Variants in SEMA3D observed in about 807,000 individuals in gnomAD.
SEMA3D encodes semaphorin 3D.
A neutral mutation model predicts 100.1 loss-of-function variants in SEMA3D; 84 were observed. The ratio of observed to expected loss-of-function variants is 0.84; its 90% CI spans 0.70 to 1.01. The LOEUF (loss-of-function observed/expected upper bound fraction) is 1.01, where lower values mean the gene tolerates loss of function less well. Among genes scored for constraint, SEMA3D ranks in the 50% least tolerant of loss-of-function variants. The pLI is 0.00. For synonymous variants in SEMA3D, 312 were observed against 320.7 expected (o/e 0.97, Z 0.29); for missense variants, 875 against 934.1 (o/e 0.94, Z 0.82).
intron 15 of SEMA3D, 107 bp downstream of exon 15, chr7:85,018,145 T>A: frequency 1.4e-6 from 1 of 739,202 alleles, no homozygotes; most frequent in Non-Finnish European, 2.4e-6. Context: ...TGTTTTAAAT[T>A]TCTTAAAATT....
intron 1 of SEMA3D, chr7:85,160,165 A>G: frequency 2.5e-6 from 1 of 402,796 alleles, no homozygotes. Context: ...ATAGAAAACA[A>G]AAAGGTAAGG....
intron 17 of SEMA3D, among the ~76,000 whole-genome samples, chr7:85,008,852 G>A (rs1789873279): frequency 6.6e-6 from 1 of 151,700 alleles, no homozygotes; most frequent in African/African-American, 2.4e-5. Flanking sequence ...CACAAACTTT[G>A]TTTCATGTAC....
rs770196646 is a variant in SEMA3D at position 84,999,594 on chromosome 7, A to C, written c.2180T>G (p.Leu727Arg). The part of the protein sequence containing the change: ...IQILSSPNFS[L>R]DQYCEQMWHR... ...CCACATCTGTTCGCAGTACTGGTCG[A>C]GGCTGAAGTTTGGGCTGCTAAGGAT... Residue 727 changes from leucine to arginine, a missense_variant, in exon 19 of 19, where the codon CTC becomes CGC. Transcript: ENST00000284136. The C allele has an allele frequency of 1.6e-5, 26 of 1,613,942 alleles. No homozygotes were observed. Among genetic ancestry groups the C allele is most frequent in the Non-Finnish European group, 1.7e-5 (20 of 1,180,022 alleles).
intron 8 of SEMA3D, among the ~76,000 whole-genome samples, chr7:85,059,479 T>C (rs1326632133): frequency 6.6e-6 from 1 of 152,186 alleles, no homozygotes; most frequent in African/African-American, 2.4e-5. Context: ...CACTTGCATA[T>C]AATTAATGTA....
At chr7:85,017,866 G>T (rs1308329289) in intron 15 of SEMA3D, among the ~76,000 whole-genome samples, 1 of 151,672 alleles carries the variant, frequency 6.6e-6, no homozygotes, top group Non-Finnish European at 1.5e-5. Context: ...ATATGTGGAA[G>T]GTTGGCTGTT....
chr7:85,029,129 C>T, intron 12 of SEMA3D: 1 of 618,304 alleles, frequency 1.6e-6, no homozygotes, highest in Non-Finnish European at 3.0e-6. Flanking sequence ...TCTGACAAGC[C>T]TAGCATGTCA....
intron 1 of SEMA3D, chr7:85,159,866 T>C (rs1312138936): frequency 2.0e-6 from 2 of 984,860 alleles, no homozygotes; most frequent in South Asian, 4.7e-5. Flanking sequence ...GTAACCATTA[T>C]ATGACTGGAG....
At chr7:85,052,456 A>G (rs1791193374) in intron 9 of SEMA3D, among the ~76,000 whole-genome samples, 1 of 151,964 alleles carries the variant, frequency 6.6e-6, no homozygotes, top group African/African-American at 2.4e-5. Flanking sequence ...AACAAAAACT[A>G]AAACCAAAAC....
chr7:85,007,171 A>G (rs1197225912), intron 17 of SEMA3D, among the ~76,000 whole-genome samples: 1 of 151,832 alleles, frequency 6.6e-6, no homozygotes, highest in Non-Finnish European at 1.5e-5. Flanking sequence ...TATATTAGCT[A>G]TTTGCACTTG....
the SEMA3D span, among the ~76,000 whole-genome samples, chr7:85,240,680 C>T: frequency 5.9e-5 from 9 of 152,154 alleles, no homozygotes; most frequent in South Asian, 1.9e-3. Context: ...AAGATATAGA[C>T]CAATTAATAT....
chr7:85,078,356 CGGAAGGAA>C (rs942384142), intron 5 of SEMA3D, among the ~76,000 whole-genome samples: 1 of 151,108 alleles, frequency 6.6e-6, no homozygotes, highest in Non-Finnish European at 1.5e-5. Flanking sequence ...AGGAAGGGAA[CGGAAGGAA>C]GGAAGGAAGG....
intron 12 of SEMA3D, among the ~76,000 whole-genome samples, chr7:85,024,183 C>G (rs879770224): frequency 6.6e-6 from 1 of 151,846 alleles, no homozygotes; most frequent in Non-Finnish European, 1.5e-5. Flanking sequence ...TCAAATGATA[C>G]AAAGCTCTTG....
intron 12 of SEMA3D, among the ~76,000 whole-genome samples, chr7:85,031,496 A>G (rs556932567): frequency 6.6e-6 from 1 of 152,104 alleles, no homozygotes; most frequent in African/African-American, 2.4e-5. Context: ...TTGTGCAGAG[A>G]ATAGACAAAT....
intron 9 of SEMA3D, among the ~76,000 whole-genome samples, chr7:85,043,483 CACTT>C (rs1790919450): frequency 6.6e-6 from 1 of 152,120 alleles, no homozygotes; most frequent in Non-Finnish European, 1.5e-5. Context: ...AAAACATAAA[CACTT>C]AAATCAATTA....
At position 85,153,777 on chromosome 7, in the gene SEMA3D, A is replaced by G. The variant is rs1449712354; in HGVS notation, c.-172-38T>C. 15 of 152,200 alleles carry G rather than the reference A, an allele frequency of 9.9e-5. No individual in the cohort carries two copies. The East Asian group carries it at 2.9e-3, about 29-fold the overall frequency. 9.4% of individuals were successfully genotyped at this position (152,200 alleles called of 1,614,324 possible). ...AGAGATAATACTGTAGTTCCAGTCC[A>G]AACACCTTCAGGTTCCAGGACCAGG... On this transcript the variant is annotated intron_variant, in intron 1 of 18. Transcript: ENST00000284136.
intron 2 of SEMA3D, among the ~76,000 whole-genome samples, chr7:85,148,523 CA>C (rs1329135078): frequency 6.6e-6 from 1 of 151,996 alleles, no homozygotes; most frequent in African/African-American, 2.4e-5. Context: ...TAAAAGGAAA[CA>C]ATGTTTATAT....
chr7:85,111,745 A>G (rs897331444), intron 3 of SEMA3D, among the ~76,000 whole-genome samples: 6 of 152,084 alleles, frequency 3.9e-5, no homozygotes, highest in African/African-American at 1.2e-4. Flanking sequence ...ACTAAATGCC[A>G]GCAGTAGAAG....
At chr7:85,027,154 C>T (rs1239425115) in intron 12 of SEMA3D, among the ~76,000 whole-genome samples, 3 of 151,970 alleles carry the variant, frequency 2.0e-5, no homozygotes, top group East Asian at 1.9e-4. Context: ...TACAACCGAA[C>T]GGTATGCCAG....
chr7:85,175,261 C>T (rs541985042), intron 1 of SEMA3D, among the ~76,000 whole-genome samples: 13 of 152,124 alleles, frequency 8.5e-5, no homozygotes, highest in Non-Finnish European at 1.6e-4. Flanking sequence ...TGAAAAGACA[C>T]GTGATAGTGA....
Sources: gnomAD v4.1 joint callset for allele counts (sites outside exome capture counted in the v4.1 genomes callset) on GRCh38, gnomAD v4.1.1 for gene constraint, MANE v1.5 for transcripts, NCBI Gene and HGNC (gene_info 2026-07-23, HGNC 2026-07-21) for gene names.